The following ADCK1 variants were observed in gnomAD, a reference collection of about 807,000 sequenced individuals.
ADCK1 encodes the protein aarF domain containing kinase 1.
In ADCK1, 41 loss-of-function variants were observed where a neutral mutation model predicts 52.3. That is an observed-to-expected ratio of 0.78 (90% CI 0.61 to 1.02). ADCK1 has a LOEUF of 1.02. Among genes scored for constraint, ADCK1 ranks in the 50% least tolerant of loss-of-function variants. The pLI, the probability that ADCK1 is intolerant of heterozygous loss-of-function variation, is 0.00. For missense variants in ADCK1, 658 were observed against 679.5 expected, an observed-to-expected ratio of 0.97 and a Z score of 0.35; for synonymous variants, 250 against 274.6, an observed-to-expected ratio of 0.91 and a Z score of 0.89.
chr14:77,819,135 G>C (rs377302968), intron 2 of ADCK1, 22 bp downstream of exon 2: 2 of 1,613,144 alleles, frequency 1.2e-6, no homozygotes, highest in Admixed American at 1.7e-5. Context: ...CCTTTTGGGG[G>C]TAGCAGAGAA....
At position 77,852,241 on chromosome 14, in the gene ADCK1, C is replaced by T. The variant is rs546092636; in HGVS notation, c.220-6835C>T. Among the ~76,000 whole-genome samples the T allele has an allele frequency of 5.9e-5, 9 of 152,198 alleles. No individual in the cohort carries two copies. In the East Asian group the frequency reaches 1.7e-3, roughly 29 times the overall value. ...CTCAAACTCCTGACCTCGTGATCCA[C>T]CTGCCTTGGCCTCCCAAAGTGCTGG... On this transcript the variant is annotated intron_variant, in intron 3 of 10. Coordinates refer to ENST00000238561, the MANE Select transcript of ADCK1 (RefSeq NM_020421.4).
chr14:77,864,635 A>ATG (rs3082711), intron 4 of ADCK1, among the ~76,000 whole-genome samples: 17,365 of 150,176 alleles, frequency 0.12, 1,224 homozygotes, highest in African/African-American at 0.19. Flanking sequence ...TAGGATATGA[A>ATG]TGTGTGTGTG....
intron 3 of ADCK1, among the ~76,000 whole-genome samples, chr14:77,828,884 A>G (rs2081779017): frequency 6.6e-6 from 1 of 151,360 alleles, no homozygotes; most frequent in Non-Finnish European, 1.5e-5. Flanking sequence ...TATGGGGTCT[A>G]TGTCCCATAT....
At chr14:77,868,627 C>A (rs2082711795) in intron 4 of ADCK1, among the ~76,000 whole-genome samples, 1 of 152,154 alleles carries the variant, frequency 6.6e-6, no homozygotes, top group South Asian at 2.1e-4. Flanking sequence ...TTGTTGGGAT[C>A]TAGTGCTCAG....
Position 77,800,167 on chromosome 14 carries a change from C to G in ADCK1, c.-15C>G, listed in dbSNP as rs577630516. On this transcript the variant is annotated 5_prime_UTR_variant, in exon 1 of 11. Transcript: ENST00000238561. The stretch of plus-strand genomic sequence containing the variant: ...CCGGGCGCCGCGGCTCTGCTTCCCT[C>G]GGGGTGAGTAGGGGCAGCTCGCCGG... The G allele has an allele frequency of 1.3e-5, 2 of 152,328 alleles. No homozygotes were observed. The highest frequency in any genetic ancestry group is 2.9e-5 in the Non-Finnish European group (2 of 68,114). The allele number at this position is 152,328 out of a possible 1,614,324, so 9.4% of individuals were successfully genotyped here. A position where few individuals can be genotyped will look rare whatever the true frequency, so the allele number is the denominator to read the frequency against.
At chr14:77,854,488 A>G (rs1306368069) in intron 3 of ADCK1, among the ~76,000 whole-genome samples, 1 of 151,460 alleles carries the variant, frequency 6.6e-6, no homozygotes, top group Non-Finnish European at 1.5e-5. Flanking sequence ...TTTTGCTGGC[A>G]TTGGAGGGAC....
chr14:77,855,493 G>T (rs1355220761), intron 3 of ADCK1, among the ~76,000 whole-genome samples: 1 of 152,226 alleles, frequency 6.6e-6, no homozygotes, highest in African/African-American at 2.4e-5. Flanking sequence ...ACTATCCCAT[G>T]TGTGGTCAGG....
Position 77,933,294 on chromosome 14 carries a change from A to G in ADCK1, c.1475A>G (p.Gln492Arg). 2 of 1,614,210 alleles carry G rather than the reference A, an allele frequency of 1.2e-6. No individual in the cohort carries two copies. The highest frequency in any genetic ancestry group is 8.5e-7 in the Non-Finnish European group (1 of 1,180,038). ...ISFSEAFNLW[Q>R]INLHELILRV... Reference sequence around the variant, plus strand: ...TTCAGCGAGGCCTTCAACTTATGGCAGATCAACCTCCATGAGCTCATCCTG... The same window carrying G: ...TTCAGCGAGGCCTTCAACTTATGGCGGATCAACCTCCATGAGCTCATCCTG... The change falls in exon 11 of 11, where the codon CAG becomes CGG. Residue 492 changes from glutamine to arginine, a missense_variant. Transcript: ENST00000238561.
At chr14:77,818,518 G>A (rs2081511589) in intron 1 of ADCK1, among the ~76,000 whole-genome samples, 1 of 152,172 alleles carries the variant, frequency 6.6e-6, no homozygotes, top group South Asian at 2.1e-4. Context: ...CTGGACTCGA[G>A]TGATCTGCAC....
chr14:77,808,443 T>C (rs1241728468), intron 1 of ADCK1, among the ~76,000 whole-genome samples: 2 of 152,158 alleles, frequency 1.3e-5, no homozygotes, highest in Non-Finnish European at 2.9e-5. Flanking sequence ...ATCAATCACA[T>C]TGAGGAACTG....
At chr14:77,817,942 G>A (rs1246326074) in intron 1 of ADCK1, among the ~76,000 whole-genome samples, 3 of 151,450 alleles carry the variant, frequency 2.0e-5, no homozygotes, top group Middle Eastern at 3.4e-3. Context: ...GTTTCATCGT[G>A]TTAGCCAGGA....
intron 4 of ADCK1, among the ~76,000 whole-genome samples, chr14:77,871,778 G>A (rs17106513): frequency 0.088 from 13,342 of 152,168 alleles, 645 homozygotes; most frequent in South Asian, 0.18. Flanking sequence ...GCACTGTCAG[G>A]GCTAGGCCAG....
At chr14:77,917,623 A>G (rs1254228334) in intron 7 of ADCK1, among the ~76,000 whole-genome samples, 1 of 152,128 alleles carries the variant, frequency 6.6e-6, no homozygotes, top group African/African-American at 2.4e-5. Flanking sequence ...TCCCCTCCCT[A>G]CTGTTAGAGA....
At chr14:77,878,497 C>T (rs2082948036) in intron 4 of ADCK1, among the ~76,000 whole-genome samples, 1 of 152,232 alleles carries the variant, frequency 6.6e-6, no homozygotes, top group Non-Finnish European at 1.5e-5. Context: ...CTCACGTGGG[C>T]AGGCTTGCAG....
At chr14:77,914,003 G>A (rs895975011) in intron 7 of ADCK1, among the ~76,000 whole-genome samples, 10 of 152,174 alleles carry the variant, frequency 6.6e-5, no homozygotes, top group Non-Finnish European at 1.3e-4. Flanking sequence ...TGTCAGGGTC[G>A]GGTGGGGATC....
intron 4 of ADCK1, among the ~76,000 whole-genome samples, chr14:77,879,312 G>A (rs1267119535): frequency 1.3e-5 from 2 of 152,220 alleles, no homozygotes; most frequent in Admixed American, 6.5e-5. Flanking sequence ...GGGAGATTAA[G>A]CAAATATGAA....
intron 3 of ADCK1, among the ~76,000 whole-genome samples, chr14:77,852,617 T>G (rs2082306847): frequency 8.7e-6 from 1 of 115,556 alleles, no homozygotes; most frequent in Non-Finnish European, 1.8e-5. Context: ...TTAAAAAAAA[T>G]CAAATTTGAA....
chr14:77,904,394 G>A (rs1441121316), intron 6 of ADCK1, among the ~76,000 whole-genome samples: 4 of 152,316 alleles, frequency 2.6e-5, no homozygotes, highest in Middle Eastern at 3.4e-3. Context: ...TGGCAGAGCC[G>A]GGGCTCCAGC....
intron 1 of ADCK1, among the ~76,000 whole-genome samples, chr14:77,813,125 C>T (rs191270493): frequency 2.6e-4 from 38 of 148,342 alleles, no homozygotes; most frequent in African/African-American, 7.2e-4. Flanking sequence ...GCCTCAGCCT[C>T]CTTAGTAGCT....
Sources: gnomAD v4.1 joint callset for allele counts (sites outside exome capture counted in the v4.1 genomes callset) on GRCh38, gnomAD v4.1.1 for gene constraint, MANE v1.5 for transcripts, NCBI Gene and HGNC (gene_info 2026-07-23, HGNC 2026-07-21) for gene names.